The following ZFHX3 variants were observed in gnomAD, a reference collection of about 807,000 sequenced individuals.
ZFHX3 encodes zinc finger homeobox protein 3.
ZFHX3 carries 42 observed loss-of-function variants against 279.1 expected under a neutral mutation model. The observed-to-expected ratio is 0.15, with a 90% CI of 0.12 to 0.19. ZFHX3 has a LOEUF of 0.19. ZFHX3 is among the 10% of genes least tolerant of loss of function. The pLI, the probability that ZFHX3 is intolerant of heterozygous loss-of-function variation, is 1.00. For missense variants in ZFHX3, 4,981 were observed against 4,754.0 expected (o/e 1.05, Z -1.40); for synonymous variants, 2,293 against 1,957.8 (o/e 1.17, Z -4.52).
intron 1 of ZFHX3, among the ~76,000 whole-genome samples, chr16:73,829,586 G>A (rs1319063743): frequency 1.4e-5 from 1 of 70,258 alleles, no homozygotes; most frequent in African/African-American, 7.8e-5. Context: ...GGTTTTCGGC[G>A]TAGATGTCCT....
chr16:72,848,844 C>T (rs2037541724), intron 4 of ZFHX3, among the ~76,000 whole-genome samples: 3 of 152,106 alleles, frequency 2.0e-5, no homozygotes, highest in African/African-American at 7.2e-5. Context: ...TGCTTAGTCA[C>T]GGAACGTCAC....
intron 3 of ZFHX3, among the ~76,000 whole-genome samples, chr16:73,334,615 C>T (rs1414853491): frequency 6.6e-6 from 1 of 151,810 alleles, no homozygotes; most frequent in Non-Finnish European, 1.5e-5. Flanking sequence ...AGTGGCCACT[C>T]GCAGTCACTC....
intron 1 of ZFHX3, among the ~76,000 whole-genome samples, chr16:73,696,192 A>G (rs1204314891): frequency 6.6e-6 from 1 of 152,186 alleles, no homozygotes; most frequent in African/African-American, 2.4e-5. Context: ...GGTTTGTCCT[A>G]TGCTGGCCAA....
chr16:72,920,798 G>A (rs2039565116), intron 3 of ZFHX3, among the ~76,000 whole-genome samples: 1 of 150,790 alleles, frequency 6.6e-6, no homozygotes, highest in South Asian at 2.1e-4. Flanking sequence ...GGCTGGGCAA[G>A]GTGGCTCATG....
At chr16:73,691,568 A>G (rs753757784) in intron 1 of ZFHX3, among the ~76,000 whole-genome samples, 1 of 152,224 alleles carries the variant, frequency 6.6e-6, no homozygotes, top group African/African-American at 2.4e-5. Flanking sequence ...ATTGTTTATC[A>G]TATATCAAAT....
At chr16:73,311,479 G>A (rs1466325256) in intron 4 of ZFHX3, among the ~76,000 whole-genome samples, 4 of 151,236 alleles carry the variant, frequency 2.6e-5, no homozygotes, top group Middle Eastern at 3.4e-3. Context: ...AATCCCAGCT[G>A]CTGGGGAAGC....
At chr16:72,873,610 T>C (rs2038221718) in intron 4 of ZFHX3, among the ~76,000 whole-genome samples, 1 of 152,200 alleles carries the variant, frequency 6.6e-6, no homozygotes, top group South Asian at 2.1e-4. Context: ...AATTACCAGG[T>C]TTTCTGCTCC....
intron 8 of ZFHX3, among the ~76,000 whole-genome samples, chr16:73,084,545 G>C (rs940453497): frequency 7.5e-6 from 1 of 133,232 alleles, no homozygotes; most frequent in African/African-American, 2.8e-5. Context: ...TTTTGAGATG[G>C]AGTCTTGCTC....
At chr16:73,578,242 T>G (rs945336821) in intron 2 of ZFHX3, among the ~76,000 whole-genome samples, 2 of 152,324 alleles carry the variant, frequency 1.3e-5, no homozygotes, top group Non-Finnish European at 2.9e-5. Flanking sequence ...TTTTTCCCAC[T>G]GTATTAACTG....
intron 1 of ZFHX3, among the ~76,000 whole-genome samples, chr16:73,758,192 G>C (rs1036476396): frequency 2.6e-5 from 4 of 152,094 alleles, no homozygotes; most frequent in African/African-American, 9.7e-5. Context: ...AAAGTTCATT[G>C]TGTTGAGATT....
intron 1 of ZFHX3, among the ~76,000 whole-genome samples, chr16:73,733,551 G>C (rs1304500082): frequency 6.6e-6 from 1 of 152,108 alleles, no homozygotes; most frequent in Non-Finnish European, 1.5e-5. Flanking sequence ...CTTCAATATA[G>C]CTCTATGAAT....
At chr16:73,329,354 C>T (rs1314413118) in intron 3 of ZFHX3, among the ~76,000 whole-genome samples, 1 of 152,226 alleles carries the variant, frequency 6.6e-6, no homozygotes, top group East Asian at 1.9e-4. Context: ...CACCCTCTTG[C>T]TTGTGTCGAC....
chr16:73,722,955 A>G (rs1453308480), intron 1 of ZFHX3, among the ~76,000 whole-genome samples: 1 of 152,162 alleles, frequency 6.6e-6, no homozygotes, highest in Non-Finnish European at 1.5e-5. Flanking sequence ...TCATCTCAGT[A>G]TTGAGTCCAT....
intron 2 of ZFHX3, among the ~76,000 whole-genome samples, chr16:73,553,717 G>A (rs1333834947): frequency 6.6e-6 from 1 of 152,160 alleles, no homozygotes; most frequent in African/African-American, 2.4e-5. Context: ...TTGAGGACAC[G>A]ATGGGGATCC....
At chr16:72,998,089 T>C (rs892021084) in intron 1 of ZFHX3, among the ~76,000 whole-genome samples, 2 of 151,488 alleles carry the variant, frequency 1.3e-5, no homozygotes, top group African/African-American at 4.9e-5. Flanking sequence ...ACAACAAAAA[T>C]GAAAACATAA....
chr16:73,230,799 C>T (rs2012748475), intron 5 of ZFHX3, among the ~76,000 whole-genome samples: 3 of 152,184 alleles, frequency 2.0e-5, no homozygotes, highest in Admixed American at 2.0e-4. Context: ...ATTGCTAGAG[C>T]TAATCAGAAG....
At chr16:73,246,470 G>A (rs768147313) in intron 5 of ZFHX3, among the ~76,000 whole-genome samples, 1 of 152,196 alleles carries the variant, frequency 6.6e-6, no homozygotes, top group Non-Finnish European at 1.5e-5. Flanking sequence ...TAAACAGCCA[G>A]CTGGGTCATC....
chr16:73,320,958 C>T (rs2015562490), intron 3 of ZFHX3, among the ~76,000 whole-genome samples: 1 of 152,220 alleles, frequency 6.6e-6, no homozygotes, highest in Admixed American at 6.5e-5. Flanking sequence ...TCAGTTCTAA[C>T]CATGAGCCAC....
intron 1 of ZFHX3, among the ~76,000 whole-genome samples, chr16:73,011,468 C>T (rs959619948): frequency 3.3e-5 from 5 of 150,450 alleles, no homozygotes; most frequent in Non-Finnish European, 7.4e-5. Flanking sequence ...CTGGGCTGGG[C>T]GTGGTGGCTC....
Sources: allele counts gnomAD v4.1 joint callset (sites outside exome capture counted in the v4.1 genomes callset), GRCh38; gene constraint gnomAD v4.1.1; transcripts MANE v1.5; gene names NCBI Gene and HGNC (gene_info 2026-07-23, HGNC 2026-07-21).